TERB1: variants seen among roughly 807,000 people sequenced by gnomAD.
TERB1 encodes the protein telomere repeats-binding bouquet formation protein 1.
TERB1 carries 63 observed loss-of-function variants against 92.3 expected under a neutral mutation model. The observed-to-expected ratio is 0.68, with a 90% CI of 0.56 to 0.84. The LOEUF (loss-of-function observed/expected upper bound fraction) is 0.84, where lower values mean the gene tolerates loss of function less well. TERB1 is among the 40% of genes least tolerant of loss of function. TERB1 has a pLI of 0.00. For synonymous variants in TERB1, 252 were observed against 283.9 expected, an observed-to-expected ratio of 0.89 and a Z score of 1.13; for missense variants, 709 against 843.7, an observed-to-expected ratio of 0.84 and a Z score of 1.98.
chr16:66,801,238 CAG>C (rs1959280656), intron 1 of TERB1, among the ~76,000 whole-genome samples, 185 bp from the exon 2 acceptor site: 1 of 152,158 alleles, frequency 6.6e-6, no homozygotes, highest in Non-Finnish European at 1.5e-5. Flanking sequence ...CCTGGGGAGT[CAG>C]AAGTGAAATA....
chr16:66,763,418 T>C (rs2018286079), intron 16 of TERB1, among the ~76,000 whole-genome samples: 1 of 152,232 alleles, frequency 6.6e-6, no homozygotes, highest in South Asian at 2.1e-4. Flanking sequence ...TTGTGTCCTT[T>C]AAAATGTTGT....
chr16:66,800,718 C>T (rs1341455285), intron 2 of TERB1, among the ~76,000 whole-genome samples: 4 of 151,952 alleles, frequency 2.6e-5, no homozygotes, highest in Admixed American at 2.6e-4. Flanking sequence ...CTAAAGAAGA[C>T]GCAAGAAGAG....
intron 16 of TERB1, among the ~76,000 whole-genome samples, chr16:66,765,711 G>A (rs539043352): frequency 1.3e-5 from 2 of 151,824 alleles, no homozygotes; most frequent in Non-Finnish European, 2.9e-5. Context: ...ACCCGCCTCG[G>A]CCTCCCAAAG....
In TERB1 at chr16:66,758,812, G is replaced by A. The variant is rs977011584; in HGVS notation, c.1957C>T (p.Gln653Ter). 6.5e-6 allele frequency: 10 copies of A among 1,533,932 alleles called. No individual in the cohort carries two copies. The highest frequency in any genetic ancestry group is 2.5e-5 in the South Asian group (2 of 81,572). Reference protein sequence around the residue: ...KKILLTPRRRQRLSNESTTPG... With the variant: ...KKILLTPRRR Reference sequence around the variant, plus strand: ...GTAGTAGATTCATTACTGAGTCGTTGTCTTCTACGTGGGGTCAGCAGAATT... The same window carrying A: ...GTAGTAGATTCATTACTGAGTCGTTATCTTCTACGTGGGGTCAGCAGAATT... Residue 653 changes from glutamine (Q) to a stop codon, truncating the protein, a stop_gained, in exon 18 of 19, where the codon CAA becomes TAA. Coordinates refer to ENST00000433154, the MANE Select transcript of TERB1 (RefSeq NM_001136505.2). LOFTEE classifies it high-confidence loss of function.
At chr16:66,759,042 G>A (rs1343184582) in intron 17 of TERB1, 99 bp downstream of exon 17, 1 of 1,149,788 alleles carries the variant, frequency 8.7e-7, no homozygotes, top group East Asian at 2.6e-5. Flanking sequence ...TTCTTTTTAA[G>A]ATTATTTTAT....
intron 15 of TERB1, among the ~76,000 whole-genome samples, 169 bp from the exon 16 acceptor site, chr16:66,767,679 C>T (rs2018372117): frequency 6.6e-6 from 1 of 151,522 alleles, no homozygotes; most frequent in Non-Finnish European, 1.5e-5. Context: ...GCATTTACAA[C>T]AGAAAGAGTC....
chr16:66,798,277 T>C (rs1959210790), intron 2 of TERB1, among the ~76,000 whole-genome samples: 1 of 151,638 alleles, frequency 6.6e-6, no homozygotes, highest in African/African-American at 2.4e-5. Flanking sequence ...ACTCCTGGGC[T>C]CAAGTGATCC....
Position 66,785,399 on chromosome 16 carries a change from T to C in TERB1, c.700+387A>G, listed in dbSNP as rs562340034. On this transcript the variant is annotated intron_variant, in intron 9 of 18. Transcript: ENST00000433154. The stretch of plus-strand genomic sequence containing the variant: ...AAACATTTTATAATTTTCCTTATGA[T>C]TTATGCATTGACTCACAGATTTTAG... Among the ~76,000 whole-genome samples, 120 of 152,132 alleles carry C rather than the reference T, an allele frequency of 7.9e-4. 1 individual carries two copies. The highest frequency in any genetic ancestry group is 2.7e-3 in the African/African-American group (113 of 41,486).
At chr16:66,777,680 A>C (rs1221172594) in intron 10 of TERB1, among the ~76,000 whole-genome samples, 11 of 151,984 alleles carry the variant, frequency 7.2e-5, no homozygotes, top group South Asian at 2.1e-4. Context: ...GAGTATGCTT[A>C]CTCTCCCCTT....
intron 2 of TERB1, among the ~76,000 whole-genome samples, chr16:66,800,539 C>T (rs1959246956): frequency 9.4e-6 from 1 of 106,722 alleles, no homozygotes; most frequent in Admixed American, 9.5e-5. Flanking sequence ...TACAGGCGCC[C>T]ACCACACCAA....
In TERB1 at chr16:66,768,102, A is replaced by C; in HGVS notation, c.1684+2T>G. ...AAACCAAAGAAACATTTTTAATCAT[A>C]CCTGTTACTGGTAACTGCTGCTTTA... On this transcript the variant is annotated splice_donor_variant, in intron 15 of 18. Coordinates refer to ENST00000433154, the MANE Select transcript of TERB1 (RefSeq NM_001136505.2). LOFTEE classifies it high-confidence loss of function. 1 of 1,545,800 alleles carries C rather than the reference A, an allele frequency of 6.5e-7. No homozygotes were observed. The highest frequency in any genetic ancestry group is 8.8e-7 in the Non-Finnish European group (1 of 1,142,158).
At chr16:66,784,170 G>C (rs2018682364) in intron 9 of TERB1, among the ~76,000 whole-genome samples, 1 of 152,128 alleles carries the variant, frequency 6.6e-6, no homozygotes, top group African/African-American at 2.4e-5. Context: ...AGTCTGGCTA[G>C]AGGATCACTT....
chr16:66,797,967 C>T (rs1383063554), intron 2 of TERB1, among the ~76,000 whole-genome samples: 1 of 151,198 alleles, frequency 6.6e-6, no homozygotes, highest in African/African-American at 2.4e-5. Flanking sequence ...CTTAGAGCAA[C>T]AAATCAGGAT....
chr16:66,759,427 T>C, intron 16 of TERB1, 137 bp from the exon 17 acceptor site: 1 of 652,796 alleles, frequency 1.5e-6, no homozygotes, highest in Non-Finnish European at 2.5e-6. Flanking sequence ...CAAAATCATA[T>C]GAGGGAGTAA....
Position 66,775,097 on chromosome 16 carries a change from T to G in TERB1, c.1111+21A>C, listed in dbSNP as rs938992846. On this transcript the variant is annotated intron_variant, in intron 12 of 18. Coordinates refer to ENST00000433154, the MANE Select transcript of TERB1 (RefSeq NM_001136505.2). ...TTTATAAACTTTGGTTGGTATGTTC[T>G]TAAAGTAATAGTACACTTACTAATT... 3.9e-6 allele frequency: 6 copies of G among 1,550,180 alleles called. No homozygotes were observed. The African/African-American group carries it at 6.8e-5, about 18-fold the overall frequency.
At chr16:66,773,746 A>G (rs901932536) in intron 12 of TERB1, among the ~76,000 whole-genome samples, 1 of 152,240 alleles carries the variant, frequency 6.6e-6, no homozygotes, top group African/African-American at 2.4e-5. Flanking sequence ...ATAATAACAC[A>G]TAATCTCATT....
chr16:66,754,835 G>T lies in TERB1; in HGVS notation c.*141C>A. On this transcript the variant is annotated 3_prime_UTR_variant, in exon 19 of 19. Coordinates refer to ENST00000433154, the MANE Select transcript of TERB1 (RefSeq NM_001136505.2). ...AATCATTGTAATTTGATGAGTTTCA[G>T]CATCACAAAAACTGTTTAATGAAAA... 1.4e-6 allele frequency: 1 copy of T among 715,824 alleles called. No homozygotes were observed. Among genetic ancestry groups the T allele is most frequent in the Non-Finnish European group, 2.3e-6 (1 of 438,920 alleles). 44.3% of individuals were successfully genotyped at this position (715,824 alleles called of 1,614,324 possible).
At chr16:66,774,683 C>CCTTTTTTTTTTTTTTTTTTTTT (rs386384962) in intron 12 of TERB1, among the ~76,000 whole-genome samples, 1 of 40,218 alleles carries the variant, frequency 2.5e-5, no homozygotes. Context: ...CTCTGATTTT[C>CCTTTTTTTTTTTTTTTTTTTTT]TTTTTTTTTT....
intron 9 of TERB1, among the ~76,000 whole-genome samples, chr16:66,782,516 G>A (rs574763386): frequency 8.8e-5 from 13 of 147,260 alleles, no homozygotes; most frequent in Admixed American, 2.8e-4. Flanking sequence ...TACCATGCAC[G>A]CCAGCCTGGG....
Sources: gnomAD v4.1 joint callset for allele counts (sites outside exome capture counted in the v4.1 genomes callset) on GRCh38, gnomAD v4.1.1 for gene constraint, MANE v1.5 for transcripts, NCBI Gene and HGNC (gene_info 2026-07-23, HGNC 2026-07-21) for gene names.